Variants in CSRP1 observed in about 807,000 individuals in gnomAD.
CSRP1 encodes the protein cysteine and glycine rich protein 1, also known as cysteine and glycine-rich protein 1.
A neutral mutation model predicts 25.4 loss-of-function variants in CSRP1; 16 were observed. The observed-to-expected ratio is 0.63, with a 90% CI of 0.43 to 0.96. The LOEUF (loss-of-function observed/expected upper bound fraction) is 0.96, where lower values mean the gene tolerates loss of function less well. Among genes scored for constraint, CSRP1 ranks in the 40% least tolerant of loss-of-function variants. The probability of loss-of-function intolerance (pLI) is 0.00; values close to 1 mark genes in which losing one functional copy is unlikely to be tolerated. For synonymous variants in CSRP1, 97 were observed against 95.3 expected (o/e 1.02, Z -0.10); for missense variants, 212 against 243.6 (o/e 0.87, Z 0.86).
At chr1:201,502,777 T>C (rs1664707682) in intron 1 of CSRP1, among the ~76,000 whole-genome samples, 1 of 152,050 alleles carries the variant, frequency 6.6e-6, no homozygotes, top group African/African-American at 2.4e-5. Flanking sequence ...ACAAGGGCGG[T>C]ATATGTCTCT....
chr1:201,485,817 T>G, intron 4 of CSRP1: 1 of 163,822 alleles, frequency 6.1e-6, no homozygotes, highest in Non-Finnish European at 1.3e-5. Flanking sequence ...CTGCCCTGTG[T>G]TGCCTTGGGG....
intron 1 of CSRP1, among the ~76,000 whole-genome samples, chr1:201,504,333 C>T (rs929517705): frequency 6.6e-6 from 1 of 152,204 alleles, no homozygotes; most frequent in Non-Finnish European, 1.5e-5. Flanking sequence ...AAGTATTTCT[C>T]ACACTGTCTG....
intron 1 of CSRP1, among the ~76,000 whole-genome samples, chr1:201,505,347 G>A (rs531097447): frequency 6.6e-6 from 1 of 152,296 alleles, no homozygotes; most frequent in East Asian, 1.9e-4. Flanking sequence ...AGCTCCAGAG[G>A]CAGATGCACA....
chr1:201,499,501 G>A (rs996143002), intron 1 of CSRP1, among the ~76,000 whole-genome samples: 13 of 152,190 alleles, frequency 8.5e-5, no homozygotes, highest in African/African-American at 3.1e-4. Context: ...ACCCACACAA[G>A]CTCTCTTCTC....
intron 1 of CSRP1, 54 bp downstream of exon 1, chr1:201,507,016 T>G (rs1280517946): frequency 1.3e-5 from 2 of 152,126 alleles, no homozygotes; most frequent in Admixed American, 1.3e-4. Flanking sequence ...GCTGAGTGCG[T>G]GCCCAGGCGC....
chr1:201,498,626 C>A (rs1229518602), intron 1 of CSRP1, among the ~76,000 whole-genome samples: 1 of 152,212 alleles, frequency 6.6e-6, no homozygotes, highest in Non-Finnish European at 1.5e-5. Context: ...TGACACGGGC[C>A]TCAGCTCAAG....
At chr1:201,505,222 G>A (rs1043699625) in intron 1 of CSRP1, among the ~76,000 whole-genome samples, 1 of 152,150 alleles carries the variant, frequency 6.6e-6, no homozygotes, top group Non-Finnish European at 1.5e-5. Context: ...TATCCCGTAG[G>A]CCAACTCAGC....
intron 1 of CSRP1, among the ~76,000 whole-genome samples, chr1:201,505,056 C>T (rs1208049855): frequency 5.9e-5 from 9 of 152,152 alleles, no homozygotes; most frequent in Non-Finnish European, 8.8e-5. Context: ...GCCAATGTCA[C>T]GCCATTGCAC....
chr1:201,491,262 C>T (rs1172839873), intron 2 of CSRP1: 2 of 151,994 alleles, frequency 1.3e-5, no homozygotes, highest in Non-Finnish European at 2.9e-5. Flanking sequence ...ATAACCCTGT[C>T]TCTATTTATT....
At chr1:201,498,163 G>T (rs899558395) in intron 1 of CSRP1, among the ~76,000 whole-genome samples, 1 of 152,236 alleles carries the variant, frequency 6.6e-6, no homozygotes, top group Non-Finnish European at 1.5e-5. Flanking sequence ...TGGCCACAGA[G>T]CAGCACGGAA....
At chr1:201,501,710 C>T (rs909378727) in intron 1 of CSRP1, among the ~76,000 whole-genome samples, 8 of 152,076 alleles carry the variant, frequency 5.3e-5, no homozygotes, top group Admixed American at 6.6e-5. Flanking sequence ...AAGTCAGGCT[C>T]GGCTGGGTGT....
At chr1:201,498,700 G>A (rs1043372904) in intron 1 of CSRP1, among the ~76,000 whole-genome samples, 6 of 152,228 alleles carry the variant, frequency 3.9e-5, no homozygotes, top group Non-Finnish European at 8.8e-5. Context: ...GCACGTGGCT[G>A]TTCATATAGG....
intron 1 of CSRP1, among the ~76,000 whole-genome samples, chr1:201,499,208 G>C (rs1053776978): frequency 1.3e-5 from 2 of 152,240 alleles, no homozygotes; most frequent in East Asian, 3.9e-4. Context: ...CAGTTAGACA[G>C]GAACAGCAAT....
At chr1:201,498,693 C>T (rs940298523) in intron 1 of CSRP1, among the ~76,000 whole-genome samples, 3 of 152,212 alleles carry the variant, frequency 2.0e-5, no homozygotes, top group East Asian at 1.9e-4. Context: ...GCACTTGGCA[C>T]GTGGCTGTTC....
intron 4 of CSRP1, chr1:201,487,200 C>A: frequency 3.5e-6 from 1 of 285,836 alleles, no homozygotes; most frequent in Non-Finnish European, 7.0e-6. Context: ...TCGTGAGGTC[C>A]AGGCTGGTTC....
At chr1:201,484,827 T>C (rs377371865) in intron 5 of CSRP1, 38 bp from the exon 6 acceptor site, 2 of 1,569,266 alleles carry the variant, frequency 1.3e-6, no homozygotes, top group Admixed American at 1.8e-5. Context: ...ATGTTCTTCC[T>C]CCACCCCCAG....
chr1:201,490,946 A>C (rs1261606878), intron 2 of CSRP1: 1 of 152,332 alleles, frequency 6.6e-6, no homozygotes, highest in Non-Finnish European at 1.5e-5. Flanking sequence ...GAGGATTTGA[A>C]GTTTCTAATC....
At chr1:201,504,824 C>T (rs933690839) in intron 1 of CSRP1, among the ~76,000 whole-genome samples, 1 of 151,312 alleles carries the variant, frequency 6.6e-6, no homozygotes, top group East Asian at 1.9e-4. Flanking sequence ...CCAGGCCGGG[C>T]GCAGTGGCTC....
At chr1:201,504,554 G>A (rs1028035706) in intron 1 of CSRP1, among the ~76,000 whole-genome samples, 14 of 151,850 alleles carry the variant, frequency 9.2e-5, no homozygotes, top group African/African-American at 3.2e-4. Context: ...GCAAGCCAAC[G>A]TTTCACAATA....
Sources: gnomAD v4.1 joint callset for allele counts (sites outside exome capture counted in the v4.1 genomes callset) on GRCh38, gnomAD v4.1.1 for gene constraint, MANE v1.5 for transcripts, NCBI Gene and HGNC (gene_info 2026-07-23, HGNC 2026-07-21) for gene names.